The following CDK15 variants were observed in gnomAD, a reference collection of about 807,000 sequenced individuals.
The protein encoded by CDK15 is cyclin-dependent kinase 15.
In CDK15, 62 loss-of-function variants were observed where a neutral mutation model predicts 60.3. That is an observed-to-expected ratio of 1.03 (90% CI 0.84 to 1.27). CDK15 has a LOEUF of 1.27. Among genes scored for constraint, CDK15 ranks in the 50% most tolerant of loss-of-function variants. The pLI, the probability that CDK15 is intolerant of heterozygous loss-of-function variation, is 0.00. For missense variants in CDK15, 541 were observed against 527.8 expected, an observed-to-expected ratio of 1.03 and a Z score of -0.25; for synonymous variants, 194 against 195.7, an observed-to-expected ratio of 0.99 and a Z score of 0.07.
At chr2:201,855,581 T>C (rs1698111982) in intron 10 of CDK15, among the ~76,000 whole-genome samples, 2 of 152,268 alleles carry the variant, frequency 1.3e-5, no homozygotes, top group Admixed American at 1.3e-4. Flanking sequence ...ACTTCAAGGA[T>C]GTTGAGACAG....
chr2:201,821,800 G>A (rs1696231250), intron 4 of CDK15, among the ~76,000 whole-genome samples: 1 of 151,992 alleles, frequency 6.6e-6, no homozygotes. Context: ...CTTCCCGAGT[G>A]GCTGGGATTA....
chr2:201,837,432 GGGAAGGAAGGAAGGAAAGGAAGGAAGGAA>G (rs1198929806), intron 8 of CDK15, among the ~76,000 whole-genome samples: 6 of 104,064 alleles, frequency 5.8e-5, no homozygotes, highest in East Asian at 3.3e-4. Context: ...GAGGGAGGAA[GGGAAGGAAGGAAGGAAAGGAAGGAAGGAA>G]GGAAGGAAGG....
intron 6 of CDK15, among the ~76,000 whole-genome samples, chr2:201,828,067 A>G (rs955113397): frequency 6.6e-6 from 1 of 152,224 alleles, no homozygotes; most frequent in Non-Finnish European, 1.5e-5. Flanking sequence ...GGGGCCAAAC[A>G]TAACTGGTTT....
At position 201,847,446 on chromosome 2, in the gene CDK15, T is replaced by A. The variant is rs143486430; in HGVS notation, c.917T>A (p.Ile306Asn). The A allele has an allele frequency of 3.1e-4, 493 of 1,613,966 alleles. 1 individual carries two copies. The highest frequency in any genetic ancestry group is 3.7e-4 in the Non-Finnish European group (432 of 1,179,988). ...CCTTTGTTTCCTGGGGTTTCCAACA[T>A]CCTTGAACAGCTGGAGAAAATCTGG... is the stretch of plus-strand genomic sequence containing the variant. Reference protein sequence around the residue: ...GQPLFPGVSNILEQLEKIWEV... With the variant: ...GQPLFPGVSNNLEQLEKIWEV... Residue 306 changes from isoleucine to asparagine, a missense_variant, in exon 9 of 14, where the codon ATC (isoleucine) becomes AAC (asparagine). Transcript: ENST00000652192.
intron 7 of CDK15, 38 bp downstream of exon 7, chr2:201,834,009 A>G: frequency 6.2e-7 from 1 of 1,605,516 alleles, no homozygotes; most frequent in Admixed American, 1.7e-5. Flanking sequence ...GGCTGTGAAC[A>G]ATGATGCTTT....
At chr2:201,884,284 C>T (rs983941214) in intron 12 of CDK15, among the ~76,000 whole-genome samples, 2 of 152,160 alleles carry the variant, frequency 1.3e-5, no homozygotes, top group African/African-American at 2.4e-5. Flanking sequence ...TCCCCTTCTC[C>T]TTTAAAACAG....
rs920869857 is a variant in CDK15, at chr2:201,882,259, G to A, written c.1198+2092G>A. 4.6e-5 allele frequency among the ~76,000 whole-genome samples: 7 copies of A among 151,952 alleles called. No homozygotes were observed. The highest frequency in any genetic ancestry group is 6.6e-5 in the Admixed American group (1 of 15,252). ...AACAATCTGTATTCCTTCCCTGTTC[G>A]CCCAGTCACAGAGCCCAAATCTACT... On this transcript the variant is annotated intron_variant, in intron 12 of 13. Transcript: ENST00000652192. The surrounding 1 kb of genome is among the most constrained non-coding windows in gnomAD (Gnocchi z 4.0).
At chr2:201,848,947 A>G (rs1697787658) in intron 9 of CDK15, among the ~76,000 whole-genome samples, 2 of 152,334 alleles carry the variant, frequency 1.3e-5, no homozygotes, top group South Asian at 4.1e-4. Context: ...TCCAAGCCAA[A>G]AGACTTTTTC....
intron 5 of CDK15, 77 bp downstream of exon 5, chr2:201,822,980 G>T: frequency 2.3e-6 from 2 of 873,770 alleles, no homozygotes; most frequent in Non-Finnish European, 3.8e-6. Flanking sequence ...AATATTTTAT[G>T]GCATGATAAA....
At chr2:201,811,892 G>C (rs568251807) in intron 3 of CDK15, among the ~76,000 whole-genome samples, 2 of 152,244 alleles carry the variant, frequency 1.3e-5, no homozygotes, top group East Asian at 3.9e-4. Flanking sequence ...CCACTACAAG[G>C]CTGGGCTTGG....
rs55930032 is a variant in CDK15, at chr2:201,816,455, G to GTTTTTTT, written c.448+3911_448+3917dup. On this transcript the variant is annotated intron_variant, in intron 4 of 13. Coordinates refer to ENST00000652192, the MANE Select transcript of CDK15 (RefSeq NM_001366386.2). Reference sequence around the variant, plus strand: ...CATCCATGTTGCTGCTAAGGAAATGGTTTTTTTTTTTTTTTTTTTTTTTTG... The same window carrying GTTTTTTT: ...CATCCATGTTGCTGCTAAGGAAATGGTTTTTTTTTTTTTTTTTTTTTTTTTTTTTTTG... Among the ~76,000 whole-genome samples the GTTTTTTT allele has an allele frequency of 2.1e-3, 171 of 79,846 alleles. 3 individuals carry two copies. The highest frequency in any genetic ancestry group is 3.6e-3 in the South Asian group (7 of 1,926). 52.4% of individuals were successfully genotyped at this position (79,846 alleles called of 152,430 possible).
At chr2:201,871,358 A>T (rs1312670774) in intron 10 of CDK15, among the ~76,000 whole-genome samples, 1 of 151,860 alleles carries the variant, frequency 6.6e-6, no homozygotes, top group Non-Finnish European at 1.5e-5. Context: ...TATGTTGTCC[A>T]AGTTGGTCTT....
At chr2:201,843,415 C>T (rs1218830913) in intron 8 of CDK15, among the ~76,000 whole-genome samples, 1 of 152,050 alleles carries the variant, frequency 6.6e-6, no homozygotes, top group Non-Finnish European at 1.5e-5. Context: ...TCGAACTGAC[C>T]TCATGATCTG....
intron 12 of CDK15, chr2:201,889,552 C>T: frequency 2.4e-6 from 1 of 413,864 alleles, no homozygotes; most frequent in Non-Finnish European, 3.3e-6. Flanking sequence ...GCAATGTCAA[C>T]TTTTGGAGGA....
At chr2:201,861,216 C>G in intron 10 of CDK15, 1 of 1,024,364 alleles carries the variant, frequency 9.8e-7, no homozygotes, top group Non-Finnish European at 1.2e-6. Context: ...GAAATCCTAT[C>G]ATTGTAAAAG....
chr2:201,811,177 G>C (rs1198542093), intron 3 of CDK15, among the ~76,000 whole-genome samples: 2 of 139,420 alleles, frequency 1.4e-5, no homozygotes, highest in African/African-American at 5.4e-5. Flanking sequence ...TTGAGACGGA[G>C]TCTTGCTCTG....
intron 9 of CDK15, among the ~76,000 whole-genome samples, chr2:201,850,227 G>T (rs1170159572): frequency 3.3e-5 from 5 of 152,076 alleles, no homozygotes; most frequent in Non-Finnish European, 7.4e-5. Context: ...TTGATCCCAG[G>T]AGTTTGGGCA....
chr2:201,863,953 G>T (rs1698504565), intron 10 of CDK15, among the ~76,000 whole-genome samples: 1 of 151,894 alleles, frequency 6.6e-6, no homozygotes, highest in South Asian at 2.1e-4. Flanking sequence ...TATACAAGTG[G>T]GCTCACCTGA....
At chr2:201,850,879 T>C (rs752128263) in intron 9 of CDK15, among the ~76,000 whole-genome samples, 10 of 152,220 alleles carry the variant, frequency 6.6e-5, no homozygotes, top group Admixed American at 3.9e-4. Flanking sequence ...CTAATGATAT[T>C]GAGCATTTTT....
Sources: allele counts gnomAD v4.1 joint callset (sites outside exome capture counted in the v4.1 genomes callset), GRCh38; gene constraint gnomAD v4.1.1; non-coding constraint Gnocchi (gnomAD v3.1); transcripts MANE v1.5; gene names NCBI Gene and HGNC (gene_info 2026-07-23, HGNC 2026-07-21).